ITGBL1: variants seen among roughly 807,000 people sequenced by gnomAD.
ITGBL1 encodes the protein integrin beta-like protein 1.
In ITGBL1, 51 loss-of-function variants were observed where a neutral mutation model predicts 68.5. The ratio of observed to expected loss-of-function variants is 0.74; its 90% confidence interval spans 0.59 to 0.94. ITGBL1 has a LOEUF of 0.94. Among genes scored for constraint, ITGBL1 ranks in the 40% least tolerant of loss-of-function variants. The pLI, the probability that ITGBL1 is intolerant of heterozygous loss-of-function variation, is 0.00. For synonymous variants in ITGBL1, 209 were observed against 227.3 expected (o/e 0.92, Z 0.72); for missense variants, 649 against 647.4 (o/e 1.00, Z -0.03).
At chr13:101,667,837 T>A (rs2139494288) in intron 7 of ITGBL1, among the ~76,000 whole-genome samples, 1 of 151,966 alleles carries the variant, frequency 6.6e-6, no homozygotes, top group African/African-American at 2.4e-5. Context: ...TGGCCAGAAA[T>A]CCTTTAAGGA....
intron 2 of ITGBL1, among the ~76,000 whole-genome samples, chr13:101,472,285 A>G (rs531095519): frequency 6.6e-6 from 1 of 152,358 alleles, no homozygotes; most frequent in African/African-American, 2.4e-5. Context: ...GTATGTTACA[A>G]ATCCCATAAA....
chr13:101,627,302 T>C (rs192525158), intron 7 of ITGBL1, among the ~76,000 whole-genome samples: 13 of 152,258 alleles, frequency 8.5e-5, no homozygotes, highest in Admixed American at 3.9e-4. Context: ...CTTTATTTTT[T>C]AGTGCACTTT....
chr13:101,590,055 G>C (rs1397302199), intron 6 of ITGBL1, among the ~76,000 whole-genome samples: 20 of 152,160 alleles, frequency 1.3e-4, no homozygotes, highest in Admixed American at 1.3e-3. Context: ...CGTGCCTATG[G>C]GAGAATAAAG....
At chr13:101,677,981 G>T (rs1466236375) in intron 7 of ITGBL1, among the ~76,000 whole-genome samples, 1 of 152,074 alleles carries the variant, frequency 6.6e-6, no homozygotes, top group Non-Finnish European at 1.5e-5. Context: ...CATGATTATT[G>T]ATACGACCTT....
At chr13:101,681,648 G>A (rs192879212) in intron 7 of ITGBL1, among the ~76,000 whole-genome samples, 5 of 152,112 alleles carry the variant, frequency 3.3e-5, no homozygotes, top group African/African-American at 7.2e-5. Flanking sequence ...ACCTTAAAGC[G>A]AGAAAATCAA....
At chr13:101,609,446 A>G (rs2031023085) in intron 7 of ITGBL1, among the ~76,000 whole-genome samples, 1 of 152,124 alleles carries the variant, frequency 6.6e-6, no homozygotes, top group South Asian at 2.1e-4. Context: ...TCTCAGTCAT[A>G]TGATGAAGCA....
intron 8 of ITGBL1, among the ~76,000 whole-genome samples, chr13:101,696,824 G>A (rs2034014225): frequency 6.6e-6 from 1 of 152,072 alleles, no homozygotes; most frequent in African/African-American, 2.4e-5. Context: ...ATCAAGTAAA[G>A]GATTCACAAT....
intron 7 of ITGBL1, among the ~76,000 whole-genome samples, chr13:101,642,106 T>C (rs9585743): frequency 4.7e-4 from 72 of 151,808 alleles, no homozygotes; most frequent in African/African-American, 1.6e-3. Context: ...TCAAATGGTA[T>C]TTCTAGTTCT....
intron 7 of ITGBL1, among the ~76,000 whole-genome samples, chr13:101,624,790 C>G (rs2031713136): frequency 6.6e-6 from 1 of 152,226 alleles, no homozygotes; most frequent in Non-Finnish European, 1.5e-5. Context: ...ACCTCCCCAT[C>G]AGGGGGCTGC....
chr13:101,548,805 A>G (rs1301845330), intron 2 of ITGBL1, among the ~76,000 whole-genome samples: 1 of 151,826 alleles, frequency 6.6e-6, no homozygotes, highest in Non-Finnish European at 1.5e-5. Flanking sequence ...AACTGTTTCT[A>G]TATTATAAAT....
At chr13:101,608,620 G>A (rs1341996445) in intron 7 of ITGBL1, among the ~76,000 whole-genome samples, 3 of 152,020 alleles carry the variant, frequency 2.0e-5, no homozygotes, top group African/African-American at 7.2e-5. Context: ...TGCAGGAAAT[G>A]TGCTGAGTGT....
chr13:101,593,222 A>T (rs951218374), intron 6 of ITGBL1, among the ~76,000 whole-genome samples: 39 of 150,948 alleles, frequency 2.6e-4, no homozygotes, highest in African/African-American at 8.3e-4. Flanking sequence ...CACTCCAGTT[A>T]GAATCGGTTT....
At chr13:101,580,261 T>C (rs1329610210) in intron 5 of ITGBL1, among the ~76,000 whole-genome samples, 1 of 152,148 alleles carries the variant, frequency 6.6e-6, no homozygotes, top group Non-Finnish European at 1.5e-5. Flanking sequence ...GTAATGCTAA[T>C]ACAGAAATCG....
intron 2 of ITGBL1, among the ~76,000 whole-genome samples, chr13:101,457,322 C>T (rs541919360): frequency 2.6e-5 from 4 of 152,266 alleles, no homozygotes; most frequent in Non-Finnish European, 5.9e-5. Flanking sequence ...GTTACTGATT[C>T]AAGGCCCAAA....
chr13:101,533,726 T>C (rs2049521996), intron 2 of ITGBL1, among the ~76,000 whole-genome samples: 1 of 151,412 alleles, frequency 6.6e-6, no homozygotes, highest in Non-Finnish European at 1.5e-5. Flanking sequence ...TTGAGTATTA[T>C]GATTTCCAAT....
chr13:101,703,320 A>G (rs1448311364), intron 8 of ITGBL1, among the ~76,000 whole-genome samples: 1 of 152,182 alleles, frequency 6.6e-6, no homozygotes, highest in Non-Finnish European at 1.5e-5. Flanking sequence ...ATAGTAAGGG[A>G]AAGGTACTTC....
chr13:101,492,600 G>A (rs562682782), intron 2 of ITGBL1, among the ~76,000 whole-genome samples: 2 of 152,248 alleles, frequency 1.3e-5, no homozygotes, highest in East Asian at 3.9e-4. Flanking sequence ...CTACTCCTCT[G>A]CCTCTTCTTC....
intron 8 of ITGBL1, among the ~76,000 whole-genome samples, chr13:101,706,276 A>G (rs886082368): frequency 2.6e-5 from 4 of 152,218 alleles, no homozygotes; most frequent in African/African-American, 7.2e-5. Context: ...GCAGAGAGGT[A>G]TACAGATAAA....
At chr13:101,457,430 G>A (rs1407021556) in intron 2 of ITGBL1, among the ~76,000 whole-genome samples, 3 of 152,202 alleles carry the variant, frequency 2.0e-5, no homozygotes, top group Admixed American at 6.5e-5. Context: ...TTATTATACT[G>A]TGAATCATAA....
Sources: gnomAD v4.1 joint callset for allele counts (sites outside exome capture counted in the v4.1 genomes callset) on GRCh38, gnomAD v4.1.1 for gene constraint, MANE v1.5 for transcripts, NCBI Gene and HGNC (gene_info 2026-07-23, HGNC 2026-07-21) for gene names.